Variants in TMEM178B observed in about 807,000 individuals in gnomAD.
TMEM178B encodes transmembrane protein 178B.
In TMEM178B, 5 loss-of-function variants were observed where a neutral mutation model predicts 31.0. The observed-to-expected ratio is 0.16, with a 90% confidence interval of 0.08 to 0.34. The LOEUF is 0.34. TMEM178B is among the 10% of genes least tolerant of loss of function. TMEM178B has a pLI of 1.00. For synonymous variants in TMEM178B, 164 were observed against 164.0 expected (o/e 1.00, Z 0.00); for missense variants, 275 against 400.3 (o/e 0.69, Z 2.67).
chr7:141,415,209 G>C lies in TMEM178B; in HGVS notation c.497-22399G>C, dbSNP rs150954768. Reference sequence around the variant, plus strand: ...CTGACAGACAGTGGGAAGCCACAAGGCTTGAGCACGGAGGAGAGAGAATGA... The same window carrying C: ...CTGACAGACAGTGGGAAGCCACAAGCCTTGAGCACGGAGGAGAGAGAATGA... On this transcript the variant is annotated intron_variant, in intron 2 of 3. Transcript: ENST00000565468. The C allele has an allele frequency of 4.1e-3, 621 of 152,622 alleles. 3 individuals carry two copies. Among genetic ancestry groups the C allele is most frequent in the Non-Finnish European group, 5.6e-3 (379 of 68,108 alleles). The allele number at this position is 152,622 out of a possible 1,614,324, so 9.5% of individuals were successfully genotyped here.
At chr7:141,439,347 C>G (rs1425810538) in intron 3 of TMEM178B, among the ~76,000 whole-genome samples, 1 of 152,084 alleles carries the variant, frequency 6.6e-6, no homozygotes, top group Non-Finnish European at 1.5e-5. Context: ...ATGGCAGAGG[C>G]TGGGGGAGTG....
the TMEM178B span, among the ~76,000 whole-genome samples, chr7:141,498,060 T>G: frequency 1.3e-5 from 2 of 152,202 alleles, no homozygotes; most frequent in Non-Finnish European, 2.9e-5. Context: ...ACTCAAGCAT[T>G]AATACCTCAC....
At chr7:141,456,543 C>T (rs1199923921) in intron 3 of TMEM178B, among the ~76,000 whole-genome samples, 1 of 152,156 alleles carries the variant, frequency 6.6e-6, no homozygotes, top group Non-Finnish European at 1.5e-5. Flanking sequence ...CTCATGCCAG[C>T]CCTGGGGGAG....
At chr7:141,265,798 G>C (rs1007054673) in intron 2 of TMEM178B, among the ~76,000 whole-genome samples, 1 of 152,226 alleles carries the variant, frequency 6.6e-6, no homozygotes, top group Admixed American at 6.5e-5. Flanking sequence ...AAACTGTATA[G>C]TTTAAGGTGC....
chr7:141,261,533 G>A lies in TMEM178B; in HGVS notation c.496+48829G>A, dbSNP rs909659232. 3.3e-5 allele frequency among the ~76,000 whole-genome samples: 5 copies of A among 152,076 alleles called. No individual in the cohort carries two copies. In the East Asian group the frequency reaches 5.8e-4, roughly 18 times the overall value. ...GAGGAGGGTCCCAAGTGCAGGGATC[G>A]TTAGTCATATATGGTTTCAGAGCTA... On this transcript the variant is annotated intron_variant, in intron 2 of 3. Coordinates refer to ENST00000565468, the MANE Select transcript of TMEM178B (RefSeq NM_001195278.2).
chr7:141,295,539 C>G (rs984967565), intron 2 of TMEM178B, among the ~76,000 whole-genome samples: 2 of 152,102 alleles, frequency 1.3e-5, no homozygotes, highest in Admixed American at 6.5e-5. Flanking sequence ...TCTGGTGGGT[C>G]CCAGATGCTC....
chr7:141,326,527 C>T (rs979819601), intron 2 of TMEM178B, among the ~76,000 whole-genome samples: 3 of 152,168 alleles, frequency 2.0e-5, no homozygotes, highest in African/African-American at 7.2e-5. Flanking sequence ...TTAAGGCCTC[C>T]TGGGAATCGA....
intron 1 of TMEM178B, among the ~76,000 whole-genome samples, chr7:141,174,105 C>G (rs1796388958): frequency 6.6e-6 from 1 of 152,154 alleles, no homozygotes; most frequent in Non-Finnish European, 1.5e-5. Context: ...CTATCGCTCC[C>G]CTAGCACCAC....
chr7:141,388,765 T>A (rs888797596), intron 2 of TMEM178B, among the ~76,000 whole-genome samples: 1 of 152,254 alleles, frequency 6.6e-6, no homozygotes, highest in Admixed American at 6.5e-5. Context: ...GGATGTTTTA[T>A]ACACAGTTTG....
At chr7:141,491,380 T>C in the TMEM178B span, among the ~76,000 whole-genome samples, 1 of 152,212 alleles carries the variant, frequency 6.6e-6, no homozygotes, top group Non-Finnish European at 1.5e-5. Flanking sequence ...TGCCACCATG[T>C]AGTTTATATT....
chr7:141,400,802 C>G (rs1341438234), intron 2 of TMEM178B, among the ~76,000 whole-genome samples: 2 of 152,146 alleles, frequency 1.3e-5, no homozygotes, highest in Admixed American at 1.3e-4. Context: ...ATTCTAAGTA[C>G]AGGGAGTCAC....
At chr7:141,377,441 C>T (rs988575231) in intron 2 of TMEM178B, among the ~76,000 whole-genome samples, 2 of 151,980 alleles carry the variant, frequency 1.3e-5, no homozygotes, top group African/African-American at 4.8e-5. Flanking sequence ...CCTCGGCCTC[C>T]CTGCTTCTAT....
intron 1 of TMEM178B, among the ~76,000 whole-genome samples, chr7:141,175,781 A>G (rs1484573547): frequency 6.6e-6 from 1 of 152,150 alleles, no homozygotes; most frequent in African/African-American, 2.4e-5. Flanking sequence ...GTGTATAGGA[A>G]TGCTTGTGAT....
At chr7:141,167,608 G>C (rs1232978418) in intron 1 of TMEM178B, among the ~76,000 whole-genome samples, 1 of 152,220 alleles carries the variant, frequency 6.6e-6, no homozygotes, top group East Asian at 1.9e-4. Context: ...GCCCATGTCT[G>C]ATGTGCCCTC....
In TMEM178B at chr7:141,236,649, G is replaced by A. The variant is rs143456240; in HGVS notation, c.496+23945G>A. Among the ~76,000 whole-genome samples, 8 of 152,326 alleles carry A rather than the reference G, an allele frequency of 5.3e-5. No individual in the cohort carries two copies. In the East Asian group the frequency reaches 9.6e-4, roughly 18 times the overall value. ...GTGGGAGAAAATAACCTGTGGTGAG[G>A]GAAGCCCTGGAGAGAAGCCGATTAG... On this transcript the variant is annotated intron_variant, in intron 2 of 3. Transcript: ENST00000565468.
chr7:141,399,622 C>A (rs1212950938), intron 2 of TMEM178B, among the ~76,000 whole-genome samples: 2 of 152,316 alleles, frequency 1.3e-5, no homozygotes, highest in East Asian at 3.9e-4. Flanking sequence ...CTTTGCAGAA[C>A]AAGTCATTTC....
intron 2 of TMEM178B, among the ~76,000 whole-genome samples, chr7:141,258,675 G>A (rs1274448151): frequency 6.6e-6 from 1 of 152,070 alleles, no homozygotes; most frequent in Non-Finnish European, 1.5e-5. Context: ...TAATTATCTG[G>A]GAATGTCTTT....
chr7:141,450,488 A>G (rs1442057830), intron 3 of TMEM178B, among the ~76,000 whole-genome samples: 2 of 152,246 alleles, frequency 1.3e-5, no homozygotes, highest in Admixed American at 6.5e-5. Context: ...GTGCAAAATT[A>G]TTAAAACAAA....
At chr7:141,163,922 G>A (rs570565685) in intron 1 of TMEM178B, among the ~76,000 whole-genome samples, 2 of 152,222 alleles carry the variant, frequency 1.3e-5, no homozygotes, top group East Asian at 3.9e-4. Context: ...TTAGTGTTGT[G>A]AAATTACTGA....
Sources: gnomAD v4.1 joint callset for allele counts (sites outside exome capture counted in the v4.1 genomes callset) on GRCh38, gnomAD v4.1.1 for gene constraint, MANE v1.5 for transcripts, NCBI Gene and HGNC (gene_info 2026-07-23, HGNC 2026-07-21) for gene names.